The following ODR4 variants were observed in gnomAD, a reference collection of about 807,000 sequenced individuals.
ODR4 encodes odr-4 GPCR localization factor homolog.
In ODR4, 47 loss-of-function variants were observed where a neutral mutation model predicts 60.2. That is an observed-to-expected ratio of 0.78 (90% CI 0.62 to 1.00). ODR4 has a LOEUF of 1.00. ODR4 is among the 50% of genes least tolerant of loss of function. The pLI, the probability that ODR4 is intolerant of heterozygous loss-of-function variation, is 0.00. For synonymous variants in ODR4, 178 were observed against 175.5 expected (o/e 1.01, Z -0.11); for missense variants, 488 against 530.8 (o/e 0.92, Z 0.79).
chr1:186,388,300 A>G, intron 4 of ODR4, 142 bp from the exon 5 acceptor site: 1 of 534,568 alleles, frequency 1.9e-6, no homozygotes. Context: ...TGAGCAACAT[A>G]GTGAGACCCC....
At chr1:186,409,758 C>G (rs979279414) in intron 12 of ODR4, among the ~76,000 whole-genome samples, 3 of 152,136 alleles carry the variant, frequency 2.0e-5, no homozygotes, top group Non-Finnish European at 1.5e-5. Flanking sequence ...GTTGGTCAGG[C>G]TGTTCTCTAA....
intron 1 of ODR4, among the ~76,000 whole-genome samples, chr1:186,377,738 TA>T (rs1292198673): frequency 6.6e-6 from 1 of 152,156 alleles, no homozygotes; most frequent in Non-Finnish European, 1.5e-5. Flanking sequence ...GATTCACGTC[TA>T]TTGTTGTCAA....
chr1:186,379,486 A>AAT (rs1659937653), intron 1 of ODR4, among the ~76,000 whole-genome samples: 1 of 149,972 alleles, frequency 6.7e-6, no homozygotes, highest in Admixed American at 6.7e-5. Context: ...GTTGCTTACT[A>AAT]GTTTAGTATC....
chr1:186,382,888 G>A, intron 2 of ODR4, 134 bp from the exon 3 acceptor site: 1 of 832,152 alleles, frequency 1.2e-6, no homozygotes, highest in Non-Finnish European at 1.8e-6. Context: ...TATAATGTGG[G>A]TATTAATGAT....
chr1:186,417,389 T>C (rs1661612852), intron 12 of ODR4, 155 bp from the exon 13 acceptor site: 5 of 613,340 alleles, frequency 8.2e-6, no homozygotes, highest in Admixed American at 6.4e-5. Context: ...TTAATTCACC[T>C]ACAATTGATA....
At chr1:186,427,988 T>C in the ODR4 span, among the ~76,000 whole-genome samples, 1 of 152,218 alleles carries the variant, frequency 6.6e-6, no homozygotes, top group Non-Finnish European at 1.5e-5. Flanking sequence ...TTACTTTTCA[T>C]TGGTAGAGCA....
At chr1:186,399,123 C>A in intron 11 of ODR4, 79 bp downstream of exon 11, 2 of 863,590 alleles carry the variant, frequency 2.3e-6, no homozygotes, top group Admixed American at 2.0e-5. Context: ...GCAGATACGT[C>A]ATCTTTTATA....
At position 186,379,770 on chromosome 1, in the gene ODR4, AT is replaced by A; in HGVS notation, c.-12del. On this transcript the variant is annotated 5_prime_UTR_variant, in exon 2 of 14. Coordinates refer to ENST00000287859, the MANE Select transcript of ODR4 (RefSeq NM_017847.6). ...ATCTTTTCTTCTTGTGATATAGGAG[AT>A]TTTAGTTCCTAAAAATGGGAAGAAC... 6.7e-7 allele frequency: 1 copy of A among 1,497,026 alleles called. No homozygotes were observed. Among genetic ancestry groups the A allele is most frequent in the South Asian group, 1.2e-5 (1 of 82,714 alleles). The allele number at this position is 1,497,026 out of a possible 1,614,324, so 92.7% of individuals were successfully genotyped here. A position where few individuals can be genotyped will look rare whatever the true frequency, so the allele number is the denominator to read the frequency against.
chr1:186,379,803 T>G lies in ODR4; in HGVS notation c.18T>G (p.Ile6Met). 6.3e-7 allele frequency: 1 copy of G among 1,598,888 alleles called. No homozygotes were observed. Among genetic ancestry groups the G allele is most frequent in the Non-Finnish European group, 8.5e-7 (1 of 1,175,208 alleles). ...TCCTAAAAATGGGAAGAACCTACAT[T>G]GTAGAAGAGACTGTTGGCCAGTATC... MGRTYIVEETVGQYLS... is the reference protein window; with the variant it reads MGRTYMVEETVGQYLS... Residue 6 changes from isoleucine (I) to methionine (M), a missense_variant, in exon 2 of 14, where the codon ATT becomes ATG. By Grantham distance (10) the Ile-to-Met change is conservative. Coordinates refer to ENST00000287859, the MANE Select transcript of ODR4 (RefSeq NM_017847.6).
At chr1:186,418,210 G>A (rs1246825118) in intron 13 of ODR4, among the ~76,000 whole-genome samples, 1 of 151,734 alleles carries the variant, frequency 6.6e-6, no homozygotes, top group Non-Finnish European at 1.5e-5. Context: ...TCATTCATTA[G>A]ATAAATTTAA....
At chr1:186,385,580 ATAGT>A (rs1660222907) in intron 3 of ODR4, among the ~76,000 whole-genome samples, 1 of 152,026 alleles carries the variant, frequency 6.6e-6, no homozygotes, top group African/African-American at 2.4e-5. Flanking sequence ...GTAAAGACAC[ATAGT>A]TAGAAAGCCT....
intron 12 of ODR4, among the ~76,000 whole-genome samples, chr1:186,414,772 G>A (rs931551156): frequency 4.6e-5 from 7 of 151,910 alleles, no homozygotes; most frequent in South Asian, 4.2e-4. Context: ...TGCCCGCCTC[G>A]GCCTCCCAAA....
chr1:186,386,721 C>A (rs1013994053), intron 4 of ODR4, among the ~76,000 whole-genome samples: 12 of 152,144 alleles, frequency 7.9e-5, no homozygotes, highest in African/African-American at 2.4e-4. Flanking sequence ...TTCTGTCACA[C>A]CTTCCATTTA....
intron 11 of ODR4, 162 bp downstream of exon 11, chr1:186,399,206 A>G (rs1660819798): frequency 2.2e-6 from 1 of 458,534 alleles, no homozygotes; most frequent in African/African-American, 2.1e-5. Flanking sequence ...TGCTACTCAG[A>G]TTTTTTTTTT....
chr1:186,423,162 T>G (rs929529670), downstream of ODR4, among the ~76,000 whole-genome samples: 13 of 152,128 alleles, frequency 8.5e-5, no homozygotes. Flanking sequence ...CTGGCACAGG[T>G]CTTTCAAGGG....
At chr1:186,402,205 T>TCTTTCTTTCTTTCTTC (rs1660996595) in intron 11 of ODR4, among the ~76,000 whole-genome samples, 1 of 146,350 alleles carries the variant, frequency 6.8e-6, no homozygotes, top group African/African-American at 2.5e-5. Context: ...TTTCTTTCTT[T>TCTTTCTTTCTTTCTTC]CTTTCTTTCT....
chr1:186,400,673 A>G (rs1457800102), intron 11 of ODR4: 3 of 208,460 alleles, frequency 1.4e-5, no homozygotes, highest in South Asian at 7.5e-5. Flanking sequence ...ACTGATAGCT[A>G]GTATGTTAAG....
intron 9 of ODR4, among the ~76,000 whole-genome samples, 176 bp downstream of exon 9, chr1:186,394,191 T>C (rs1357368398): frequency 6.6e-6 from 1 of 152,120 alleles, no homozygotes; most frequent in African/African-American, 2.4e-5. Flanking sequence ...AAAACCTGTT[T>C]GGGTTTTTTG....
Position 186,396,752 on chromosome 1 carries a change from GATAGATAT to G in ODR4, c.781-1558_781-1551del, listed in dbSNP as rs1163527598. On this transcript the variant is annotated intron_variant, in intron 9 of 13. Transcript: ENST00000287859. ...AGATAGATAGATAGATAGATAGATA[GATAGATAT>G]ATGTATATACACACATACACATATA... is the stretch of plus-strand genomic sequence containing the variant. Among the ~76,000 whole-genome samples the G allele has an allele frequency of 6.6e-5, 10 of 151,810 alleles. No homozygotes were observed. The South Asian group carries it at 8.3e-4, about 13-fold the overall frequency.
Sources: gnomAD v4.1 joint callset for allele counts (sites outside exome capture counted in the v4.1 genomes callset) on GRCh38, gnomAD v4.1.1 for gene constraint, MANE v1.5 for transcripts, NCBI Gene and HGNC (gene_info 2026-07-23, HGNC 2026-07-21) for gene names.